The following GATAD2B variants were observed in gnomAD, a reference collection of about 807,000 sequenced individuals.
GATAD2B encodes the protein transcriptional repressor p66-beta.
A neutral mutation model predicts 64.3 loss-of-function variants in GATAD2B; 8 were observed. That is an observed-to-expected ratio of 0.12 (90% CI 0.07 to 0.22). The LOEUF is 0.22. Ranked by LOEUF, GATAD2B falls within the 10% of genes least tolerant of loss-of-function variation. GATAD2B has a pLI of 1.00. For synonymous variants in GATAD2B, 281 were observed against 271.3 expected, an observed-to-expected ratio of 1.04 and a Z score of -0.35; for missense variants, 453 against 752.0, an observed-to-expected ratio of 0.60 and a Z score of 4.65.
chr1:153,823,976 C>T (rs574604171), intron 2 of GATAD2B, among the ~76,000 whole-genome samples: 8 of 151,986 alleles, frequency 5.3e-5, no homozygotes, highest in Admixed American at 1.3e-4. Flanking sequence ...ATGATCCTCC[C>T]GCCTCGGCCT....
intron 1 of GATAD2B, among the ~76,000 whole-genome samples, chr1:153,867,770 G>C (rs1676528232): frequency 6.6e-6 from 1 of 152,086 alleles, no homozygotes; most frequent in African/African-American, 2.4e-5. Flanking sequence ...TGAGGCAGGA[G>C]AATTGCTTGA....
intron 1 of GATAD2B, chr1:153,914,633 T>C (rs1196512593): frequency 2.6e-5 from 4 of 152,162 alleles, no homozygotes; most frequent in Non-Finnish European, 5.9e-5. Flanking sequence ...GGAAATACAA[T>C]AGTAAAAAGA....
chr1:153,847,644 G>A (rs552683318), intron 1 of GATAD2B, among the ~76,000 whole-genome samples: 1 of 150,458 alleles, frequency 6.6e-6, no homozygotes, highest in Non-Finnish European at 1.5e-5. Flanking sequence ...TTTTTTCCTT[G>A]AAGATTCATA....
intron 1 of GATAD2B, among the ~76,000 whole-genome samples, chr1:153,862,118 CTTT>C (rs754580519): frequency 3.0e-5 from 3 of 101,182 alleles, no homozygotes; most frequent in African/African-American, 1.1e-4. Context: ...ACATTATATC[CTTT>C]TTTTTTTTTT....
intron 1 of GATAD2B, among the ~76,000 whole-genome samples, chr1:153,859,212 T>C (rs192407749): frequency 1.8e-4 from 27 of 150,266 alleles, no homozygotes; most frequent in Non-Finnish European, 5.9e-5. Context: ...AAAATACAAA[T>C]AGAAATCAGG....
chr1:153,842,981 G>C (rs920868750), intron 1 of GATAD2B, among the ~76,000 whole-genome samples: 7 of 127,330 alleles, frequency 5.5e-5, no homozygotes, highest in Non-Finnish European at 8.2e-5. Flanking sequence ...TTGAGACAGA[G>C]TCTCGCTGTC....
intron 1 of GATAD2B, among the ~76,000 whole-genome samples, chr1:153,921,362 T>C (rs1678423621): frequency 6.6e-6 from 1 of 152,168 alleles, no homozygotes; most frequent in South Asian, 2.1e-4. Flanking sequence ...CATGCATGCT[T>C]TTCTACTCAA....
intron 1 of GATAD2B, among the ~76,000 whole-genome samples, chr1:153,904,216 G>T (rs950646933): frequency 6.6e-6 from 1 of 151,726 alleles, no homozygotes; most frequent in South Asian, 2.1e-4. Flanking sequence ...GAAGACAGAG[G>T]GTTCAGTGAG....
chr1:153,843,101 G>A (rs902159513), intron 1 of GATAD2B, among the ~76,000 whole-genome samples: 3 of 150,456 alleles, frequency 2.0e-5, no homozygotes, highest in African/African-American at 4.9e-5. Context: ...ATAGGCTCAC[G>A]CTGCCATGCC....
At chr1:153,843,447 A>AC (rs934954384) in intron 1 of GATAD2B, among the ~76,000 whole-genome samples, 6 of 152,008 alleles carry the variant, frequency 3.9e-5, no homozygotes, top group Admixed American at 3.9e-4. Context: ...ACAAAAAAAA[A>AC]AGTTATTTGT....
intron 1 of GATAD2B, among the ~76,000 whole-genome samples, chr1:153,833,968 GTCTC>G (rs1001257765): frequency 2.6e-5 from 4 of 151,436 alleles, no homozygotes; most frequent in East Asian, 2.0e-4. Context: ...GTAAGACCCT[GTCTC>G]TCTCTCTTTT....
intron 1 of GATAD2B, among the ~76,000 whole-genome samples, chr1:153,912,044 A>T (rs1678124454): frequency 6.6e-6 from 1 of 152,242 alleles, no homozygotes; most frequent in Admixed American, 6.5e-5. Flanking sequence ...TTAATTTGGA[A>T]ATTAAAAATG....
At chr1:153,864,844 G>A (rs1037386695) in intron 1 of GATAD2B, among the ~76,000 whole-genome samples, 1 of 151,850 alleles carries the variant, frequency 6.6e-6, no homozygotes, top group Non-Finnish European at 1.5e-5. Flanking sequence ...TGAGGTGGGC[G>A]GATCACTTGA....
At chr1:153,922,299 AGGG>A (rs1365921773) in intron 1 of GATAD2B, among the ~76,000 whole-genome samples, 1 of 132,504 alleles carries the variant, frequency 7.5e-6, no homozygotes, top group African/African-American at 2.9e-5. Flanking sequence ...AAAAAAAAAA[AGGG>A]GGGGGCGCGC....
intron 2 of GATAD2B, among the ~76,000 whole-genome samples, chr1:153,822,899 C>A (rs1674734182): frequency 6.6e-6 from 1 of 152,100 alleles, no homozygotes; most frequent in South Asian, 2.1e-4. Context: ...TCACTGCAGT[C>A]TCAATCTCCT....
At chr1:153,914,019 C>T (rs1031169450) in intron 1 of GATAD2B, among the ~76,000 whole-genome samples, 2 of 151,478 alleles carry the variant, frequency 1.3e-5, no homozygotes, top group African/African-American at 4.8e-5. Context: ...CCAAGGCAGG[C>T]GGATCACAAG....
intron 1 of GATAD2B, among the ~76,000 whole-genome samples, chr1:153,906,645 A>C (rs1223428165): frequency 1.3e-5 from 2 of 152,186 alleles, no homozygotes; most frequent in Non-Finnish European, 2.9e-5. Flanking sequence ...GGAAAAAAAA[A>C]CAACAGATAA....
chr1:153,833,550 C>T (rs959906399), intron 1 of GATAD2B, among the ~76,000 whole-genome samples: 5 of 152,166 alleles, frequency 3.3e-5, no homozygotes, highest in African/African-American at 1.2e-4. Context: ...CATGGGGGCT[C>T]ACGCCTGTAA....
Position 153,817,367 on chromosome 1 carries a change from C to G in GATAD2B, c.900+5G>C, listed in dbSNP as rs747756296. 1.3e-6 allele frequency: 2 copies of G among 1,556,642 alleles called. No homozygotes were observed. The highest frequency in any genetic ancestry group is 1.4e-5 in the African/African-American group (1 of 73,088). On this transcript the variant is annotated splice_donor_5th_base_variant and intron_variant, in intron 6 of 10. Transcript: ENST00000368655. ...TTTCCACATTAGGGCTCAGCTCTCT[C>G]TTACCGGTTGATAATTGATGGCGGG... is the stretch of plus-strand genomic sequence containing the variant.
Sources: allele counts gnomAD v4.1 joint callset (sites outside exome capture counted in the v4.1 genomes callset), GRCh38; gene constraint gnomAD v4.1.1; transcripts MANE v1.5; gene names NCBI Gene and HGNC (gene_info 2026-07-23, HGNC 2026-07-21).